The following RHBDD1 variants were observed in gnomAD, a reference collection of about 807,000 sequenced individuals.
The protein encoded by RHBDD1 is rhomboid domain containing 1.
A neutral mutation model predicts 36.3 loss-of-function variants in RHBDD1; 38 were observed. The ratio of observed to expected loss-of-function variants is 1.05; its 90% CI spans 0.81 to 1.37. The LOEUF (loss-of-function observed/expected upper bound fraction) is 1.37, where lower values mean the gene tolerates loss of function less well. Among genes scored for constraint, RHBDD1 ranks in the 40% most tolerant of loss-of-function variants. The pLI is 0.00. For missense variants in RHBDD1, 393 were observed against 377.6 expected, an observed-to-expected ratio of 1.04 and a Z score of -0.34; for synonymous variants, 151 against 136.5, an observed-to-expected ratio of 1.11 and a Z score of -0.74.
At chr2:226,861,787 C>T (rs1943877359) in intron 3 of RHBDD1, among the ~76,000 whole-genome samples, 1 of 152,044 alleles carries the variant, frequency 6.6e-6, no homozygotes, top group Non-Finnish European at 1.5e-5. Context: ...AAAAAAGTTA[C>T]GGTAGGTAAA....
chr2:226,900,923 A>G (rs1243366451), intron 5 of RHBDD1, among the ~76,000 whole-genome samples: 1 of 152,158 alleles, frequency 6.6e-6, no homozygotes, highest in Non-Finnish European at 1.5e-5. Flanking sequence ...CAAGTGTACA[A>G]TGTAATGTAT....
chr2:226,879,282 G>A (rs958528328), intron 5 of RHBDD1, among the ~76,000 whole-genome samples: 3 of 152,194 alleles, frequency 2.0e-5, no homozygotes, highest in Admixed American at 6.5e-5. Flanking sequence ...AAATATGTGT[G>A]TGGGATCAGT....
intron 8 of RHBDD1, among the ~76,000 whole-genome samples, chr2:226,994,098 C>T (rs1448836375): frequency 6.6e-6 from 1 of 152,212 alleles, no homozygotes; most frequent in African/African-American, 2.4e-5. Flanking sequence ...CGGGCACCTT[C>T]CCAGTCTGCC....
At chr2:226,977,034 G>A (rs1460877487) in intron 8 of RHBDD1, among the ~76,000 whole-genome samples, 1 of 152,186 alleles carries the variant, frequency 6.6e-6, no homozygotes, top group Admixed American at 6.5e-5. Context: ...CTGGGATAAG[G>A]CTGGCCTCAC....
intron 8 of RHBDD1, among the ~76,000 whole-genome samples, chr2:226,957,585 A>G (rs1951865144): frequency 6.6e-6 from 1 of 151,910 alleles, no homozygotes; most frequent in Non-Finnish European, 1.5e-5. Flanking sequence ...AAAAAAGAAG[A>G]AGGAAAAAAA....
chr2:226,928,959 A>G (rs919916351), intron 8 of RHBDD1, among the ~76,000 whole-genome samples: 9 of 152,040 alleles, frequency 5.9e-5, no homozygotes, highest in African/African-American at 1.9e-4. Flanking sequence ...TCAGCAAGAA[A>G]TAGAAATCCT....
intron 8 of RHBDD1, among the ~76,000 whole-genome samples, chr2:226,950,050 A>C (rs1447671950): frequency 1.3e-5 from 2 of 152,214 alleles, no homozygotes; most frequent in African/African-American, 4.8e-5. Context: ...TTACATCCTT[A>C]GTTTTTGTGA....
At chr2:226,975,414 A>G (rs904455622) in intron 8 of RHBDD1, among the ~76,000 whole-genome samples, 3 of 152,136 alleles carry the variant, frequency 2.0e-5, no homozygotes, top group Admixed American at 1.3e-4. Context: ...ACTCAATGAC[A>G]GTTTGCTTTC....
upstream of RHBDD1, among the ~76,000 whole-genome samples, chr2:226,832,710 T>A (rs552632722): frequency 1.4e-4 from 22 of 152,322 alleles, no homozygotes; most frequent in South Asian, 1.9e-3. Flanking sequence ...AGTATGGAAT[T>A]TCTGTCTCTA....
intron 8 of RHBDD1, among the ~76,000 whole-genome samples, chr2:226,972,929 CAAAAAA>C (rs11320469): frequency 1.6e-5 from 2 of 127,032 alleles, no homozygotes; most frequent in Non-Finnish European, 1.7e-5. Flanking sequence ...AAGCCTGTAG[CAAAAAA>C]AAAAAAAAAA....
intron 8 of RHBDD1, chr2:226,914,625 C>T (rs1299576243): frequency 5.2e-6 from 1 of 193,172 alleles, no homozygotes; most frequent in African/African-American, 2.3e-5. Flanking sequence ...AGTCAAGAAA[C>T]TTAAAATTCT....
chr2:226,952,470 G>T (rs1378073287), intron 8 of RHBDD1, among the ~76,000 whole-genome samples: 1 of 151,888 alleles, frequency 6.6e-6, no homozygotes, highest in Non-Finnish European at 1.5e-5. Context: ...GCTAATTTTT[G>T]AATTTTTAGT....
At chr2:226,894,564 C>A (rs1946946871) in intron 5 of RHBDD1, among the ~76,000 whole-genome samples, 1 of 152,178 alleles carries the variant, frequency 6.6e-6, no homozygotes. Context: ...AGCCACTGCA[C>A]CCAGCCTATA....
chr2:226,913,678 G>A (rs1948685577), intron 7 of RHBDD1, among the ~76,000 whole-genome samples: 1 of 151,702 alleles, frequency 6.6e-6, no homozygotes, highest in African/African-American at 2.4e-5. Context: ...TTTTTGGGGG[G>A]GAGCTATAAT....
chr2:226,990,262 T>C (rs995330603), intron 8 of RHBDD1, among the ~76,000 whole-genome samples: 2 of 152,188 alleles, frequency 1.3e-5, no homozygotes, highest in Admixed American at 1.3e-4. Flanking sequence ...GGAGGCATTT[T>C]GGGAGCTTTG....
chr2:226,971,976 T>C (rs1486963430), intron 8 of RHBDD1, among the ~76,000 whole-genome samples: 1 of 151,956 alleles, frequency 6.6e-6, no homozygotes, highest in African/African-American at 2.4e-5. Flanking sequence ...GTTTGTTACA[T>C]AGGTCACATG....
chr2:226,906,186 T>A (rs1948038782), intron 5 of RHBDD1, among the ~76,000 whole-genome samples: 1 of 152,216 alleles, frequency 6.6e-6, no homozygotes, highest in South Asian at 2.1e-4. Context: ...ACGCAAACAC[T>A]TTCATGCCCT....
At chr2:226,915,167 G>GT (rs1400286469) in intron 8 of RHBDD1, among the ~76,000 whole-genome samples, 1 of 152,088 alleles carries the variant, frequency 6.6e-6, no homozygotes, top group Non-Finnish European at 1.5e-5. Context: ...CAAGCTAAGT[G>GT]TTAGACGTAG....
chr2:226,881,251 A>T (rs1945704692), intron 5 of RHBDD1, among the ~76,000 whole-genome samples: 1 of 152,210 alleles, frequency 6.6e-6, no homozygotes, highest in Admixed American at 6.5e-5. Context: ...GGGGATTATG[A>T]GGCTTACAGT....
Sources: gnomAD v4.1 joint callset for allele counts (sites outside exome capture counted in the v4.1 genomes callset) on GRCh38, gnomAD v4.1.1 for gene constraint, MANE v1.5 for transcripts, NCBI Gene and HGNC (gene_info 2026-07-23, HGNC 2026-07-21) for gene names.